Variants in ZNF268 observed in about 807,000 individuals in gnomAD.
ZNF268 encodes the protein zinc finger protein 3.
In ZNF268, 20 loss-of-function variants were observed where a neutral mutation model predicts 29.3. The observed-to-expected ratio is 0.68, with a 90% confidence interval of 0.48 to 0.99. ZNF268 has a LOEUF of 0.99. ZNF268 is among the 50% of genes least tolerant of loss of function. The pLI is 0.00. For synonymous variants in ZNF268, 429 were observed against 376.9 expected (o/e 1.14, Z -1.60); for missense variants, 1,240 against 1,121.6 (o/e 1.11, Z -1.51).
At position 133,181,965 on chromosome 12, in the gene ZNF268, C is replaced by G. The variant is rs1301029417; in HGVS notation, c.-33C>G. 1 of 1,558,034 alleles carries G rather than the reference C, an allele frequency of 6.4e-7. No homozygotes were observed. Among genetic ancestry groups the G allele is most frequent in the Admixed American group, 1.9e-5 (1 of 51,504 alleles). On this transcript the variant is annotated 5_prime_UTR_variant, in exon 2 of 6. Coordinates refer to ENST00000536435, the MANE Select transcript of ZNF268 (RefSeq NM_003415.3). ...TTCTAGCATCCCTCGCGTCCTGTCA[C>G]TTCCAGCGAGGCACACAAAACTGAC...
chr12:133,187,456 T>C (rs1334300161), intron 2 of ZNF268, among the ~76,000 whole-genome samples: 2 of 152,168 alleles, frequency 1.3e-5, no homozygotes, highest in Non-Finnish European at 2.9e-5. Flanking sequence ...TGTGGTCAGA[T>C]ATTTTGGTTA....
chr12:133,199,614 C>T (rs539758424), intron 5 of ZNF268, among the ~76,000 whole-genome samples: 173 of 151,896 alleles, frequency 1.1e-3, no homozygotes, highest in African/African-American at 4.1e-3. Context: ...AGGAATAGTA[C>T]CAGTTCCTCC....
chr12:133,187,985 C>T lies in ZNF268; in HGVS notation c.147C>T (p.Pro49=). The part of the protein sequence containing the change: ...TPGLQPLPGT[P]RQKQKSRRIE... ...GTCTGCAACCTCTCCCTGGAACACC[C>T]AGGCAGAAGCAGAAGAGTCGCAGAA... The change falls in exon 3 of 6, where the codon CCC becomes CCT. Residue 49 remains proline, a synonymous_variant. Coordinates refer to ENST00000536435, the MANE Select transcript of ZNF268 (RefSeq NM_003415.3). The T allele has an allele frequency of 6.3e-7, 1 of 1,597,686 alleles. No individual in the cohort carries two copies. Among genetic ancestry groups the T allele is most frequent in the Non-Finnish European group, 8.5e-7 (1 of 1,171,698 alleles).
At position 133,204,401 on chromosome 12, in the gene ZNF268, A is replaced by G; in HGVS notation, c.2715A>G (p.Ser905=). ...GTGGGAAAACCTTCTCTCAAAAATC[A>G]ATTCTCAGTGCACATCAGAGAACAC... ...NECGKTFSQK[S]ILSAHQRTHT... is the part of the protein sequence containing the mutation. Residue 905 remains serine (S), a synonymous_variant, in exon 6 of 6, where the codon TCA becomes TCG. Coordinates refer to ENST00000536435, the MANE Select transcript of ZNF268 (RefSeq NM_003415.3). The G allele has an allele frequency of 6.4e-7, 1 of 1,570,404 alleles. No homozygotes were observed. The highest frequency in any genetic ancestry group is 8.6e-7 in the Non-Finnish European group (1 of 1,162,760).
In ZNF268 at chr12:133,209,483, C is replaced by G. The variant is rs1279815853; in HGVS notation, c.*4953C>G. On this transcript the variant is annotated 3_prime_UTR_variant, in exon 6 of 6. Coordinates refer to ENST00000536435, the MANE Select transcript of ZNF268 (RefSeq NM_003415.3). Reference sequence around the variant, plus strand: ...AATGAAGTTGCAAGTTTTAACATGTCTACTCTTTAATTTTCAACATTGTTT... The same window carrying G: ...AATGAAGTTGCAAGTTTTAACATGTGTACTCTTTAATTTTCAACATTGTTT... 3 of 152,128 alleles carry G rather than the reference C, an allele frequency of 2.0e-5. No individual in the cohort carries two copies. Among genetic ancestry groups the G allele is most frequent in the African/African-American group, 7.2e-5 (3 of 41,428 alleles). The allele number at this position is 152,128 out of a possible 1,614,324, so 9.4% of individuals were successfully genotyped here.
In ZNF268 at chr12:133,202,789, TCTTC is replaced by T; in HGVS notation, c.1104_1107del (p.Phe369ValfsTer30). ...TATGAGTGCTGTGAATGTGGGAAAGTCTTCAGTAGGAAAGACCAGCTTGTTTCAC... is the reference window on the plus strand; with the variant it reads ...TATGAGTGCTGTGAATGTGGGAAAGTAGTAGGAAAGACCAGCTTGTTTCAC... On this transcript the variant is annotated frameshift_variant, in exon 6 of 6. Coordinates refer to ENST00000536435, the MANE Select transcript of ZNF268 (RefSeq NM_003415.3). LOFTEE classifies it low-confidence loss of function (END_TRUNC). 6.2e-7 allele frequency: 1 copy of T among 1,609,430 alleles called. No individual in the cohort carries two copies. Among genetic ancestry groups the T allele is most frequent in the Non-Finnish European group, 8.5e-7 (1 of 1,179,008 alleles).
chr12:133,212,469 A>G lies in ZNF268; in HGVS notation c.*7939A>G, dbSNP rs1259206091. 0.024 allele frequency: 212 copies of G among 8,792 alleles called. 1 individual carries two copies. Among genetic ancestry groups the G allele is most frequent in the Admixed American group, 0.061 (45 of 736 alleles). 0.5% of individuals were successfully genotyped at this position (8,792 alleles called of 1,614,324 possible). A position where few individuals can be genotyped will look rare whatever the true frequency, so the allele number is the denominator to read the frequency against. ...TTTATATATATATATATATATATAT[A>G]TATATATATATATATATATATATAT... On this transcript the variant is annotated 3_prime_UTR_variant, in exon 6 of 6. Coordinates refer to ENST00000536435, the MANE Select transcript of ZNF268 (RefSeq NM_003415.3).
intron 5 of ZNF268, among the ~76,000 whole-genome samples, chr12:133,197,033 T>C (rs1211371009): frequency 6.6e-6 from 1 of 151,712 alleles, no homozygotes; most frequent in Non-Finnish European, 1.5e-5. Context: ...CCTTTCTTTT[T>C]TTTTTTTTTA....
chr12:133,202,779 T>C lies in ZNF268; in HGVS notation c.1093T>C (p.Cys365Arg). 7.5e-6 allele frequency: 12 copies of C among 1,610,576 alleles called. No individual in the cohort carries two copies. The highest frequency in any genetic ancestry group is 1.0e-5 in the Non-Finnish European group (12 of 1,179,212). Residue 365 changes from cysteine to arginine, a missense_variant, in exon 6 of 6, where the codon TGT becomes CGT. Physicochemically the swap from Cys to Arg is radical, Grantham distance 180 (BLOSUM62 -3). This residue lies in a region of ZNF268 where 1,177 missense variants were observed against 1,039.6 expected (regional missense o/e 1.13). Transcript: ENST00000536435. ...TGENPYECCE[C>R]GKVFSRKDQL... ...TGAGAATCCCTATGAGTGCTGTGAA[T>C]GTGGGAAAGTCTTCAGTAGGAAAGA...
intron 3 of ZNF268, 104 bp from the exon 4 acceptor site, chr12:133,191,385 T>C (rs1043055780): frequency 1.7e-5 from 23 of 1,344,956 alleles, no homozygotes; most frequent in Non-Finnish European, 2.4e-5. Context: ...CAATACAATT[T>C]TTGTTCTCAC....
chr12:133,198,056 A>G (rs1236099866), intron 5 of ZNF268, among the ~76,000 whole-genome samples: 1 of 151,896 alleles, frequency 6.6e-6, no homozygotes, highest in Non-Finnish European at 1.5e-5. Context: ...CCATTTGTCA[A>G]TTTTGGCTTT....
In ZNF268 at chr12:133,203,381, C is replaced by T. The variant is rs1956806126; in HGVS notation, c.1695C>T (p.Phe565=). The T allele has an allele frequency of 6.5e-7, 1 of 1,547,968 alleles. No homozygotes were observed. The highest frequency in any genetic ancestry group is 8.7e-7 in the Non-Finnish European group (1 of 1,151,130). ...PYECHECGKA[F]SRKYQLISHQ... is the part of the protein sequence containing the mutation. ...AATGCCATGAATGTGGGAAAGCCTT[C>T]AGTCGGAAATACCAGCTTATTTCAC... Residue 565 remains phenylalanine, a synonymous_variant, in exon 6 of 6, where the codon TTC becomes TTT. Coordinates refer to ENST00000536435, the MANE Select transcript of ZNF268 (RefSeq NM_003415.3).
chr12:133,210,877 T>C lies in ZNF268; in HGVS notation c.*6347T>C, dbSNP rs1208619665. On this transcript the variant is annotated 3_prime_UTR_variant, in exon 6 of 6. Coordinates refer to ENST00000536435, the MANE Select transcript of ZNF268 (RefSeq NM_003415.3). The stretch of plus-strand genomic sequence containing the variant: ...AAGCAGGCTAGACAAGGTGTGTGCT[T>C]GCACCCCTTCCTTACTACCTAGGCA... The C allele has an allele frequency of 4.4e-6, 2 of 456,046 alleles. No individual in the cohort carries two copies. Among genetic ancestry groups the C allele is most frequent in the East Asian group, 1.4e-4 (2 of 14,384 alleles). The allele number at this position is 456,046 out of a possible 1,614,324, so 28.2% of individuals were successfully genotyped here.
In ZNF268 at chr12:133,214,009, T is replaced by C. The variant is rs1341130072; in HGVS notation, c.*9479T>C. 6.7e-6 allele frequency: 1 copy of C among 149,496 alleles called. No homozygotes were observed. Among genetic ancestry groups the C allele is most frequent in the African/African-American group, 2.5e-5 (1 of 40,768 alleles). The allele number at this position is 149,496 out of a possible 1,614,324, so 9.3% of individuals were successfully genotyped here. A position where few individuals can be genotyped will look rare whatever the true frequency, so the allele number is the denominator to read the frequency against. On this transcript the variant is annotated 3_prime_UTR_variant, in exon 6 of 6. Transcript: ENST00000536435. ...GTCTCAAAAAAAAAAAAGGTGAATATAGGAGAAAAGACACTGTAAAATAAT... is the reference window on the plus strand; with the variant it reads ...GTCTCAAAAAAAAAAAAGGTGAATACAGGAGAAAAGACACTGTAAAATAAT...
intron 2 of ZNF268, chr12:133,184,632 T>G (rs1566363084): frequency 2.5e-6 from 1 of 405,944 alleles, no homozygotes; most frequent in Non-Finnish European, 5.1e-6. Flanking sequence ...TTTGTTTATT[T>G]TTTTGAGACT....
rs1267610955 is a variant in ZNF268, at chr12:133,204,494, T to C, written c.2808T>C (p.Ile936=). The C allele has an allele frequency of 3.3e-6, 5 of 1,535,142 alleles. No individual in the cohort carries two copies. Among genetic ancestry groups the C allele is most frequent in the African/African-American group, 2.7e-5 (2 of 72,748 alleles). Residue 936 remains isoleucine (I), a synonymous_variant, in exon 6 of 6, where the codon ATT becomes ATC. Transcript: ENST00000536435. ...CCTTTTGTTGGAAGTCACAGCTCAT[T>C]ATGCATCAGAGAACTCATGTAGATG... ...GKAFCWKSQL[I]MHQRTHVDDK...
At chr12:133,183,719 A>G (rs933407109) in intron 2 of ZNF268, among the ~76,000 whole-genome samples, 8 of 152,104 alleles carry the variant, frequency 5.3e-5, no homozygotes, top group African/African-American at 1.9e-4. Context: ...TGGCTCCTCT[A>G]GGTAGAGGTT....
At position 133,213,937 on chromosome 12, in the gene ZNF268, C is replaced by G. The variant is rs1424020926; in HGVS notation, c.*9407C>G. The G allele has an allele frequency of 6.6e-6, 1 of 151,978 alleles. No individual in the cohort carries two copies. The highest frequency in any genetic ancestry group is 1.5e-5 in the Non-Finnish European group (1 of 68,016). The allele number at this position is 151,978 out of a possible 1,614,324, so 9.4% of individuals were successfully genotyped here. ...TGGCGTGAACCTGGAACCAGTGAGCCCAGATCTCACCACTGCACTCCAGCC... is the reference window on the plus strand; with the variant it reads ...TGGCGTGAACCTGGAACCAGTGAGCGCAGATCTCACCACTGCACTCCAGCC... On this transcript the variant is annotated 3_prime_UTR_variant, in exon 6 of 6. Coordinates refer to ENST00000536435, the MANE Select transcript of ZNF268 (RefSeq NM_003415.3).
In ZNF268 at chr12:133,203,235, A is replaced by G. The variant is rs1318606978; in HGVS notation, c.1549A>G (p.Ile517Val). 1.3e-6 allele frequency: 2 copies of G among 1,537,988 alleles called. No homozygotes were observed. The highest frequency in any genetic ancestry group is 2.4e-5 in the East Asian group (1 of 40,878). ...CTTCAGGAGCAAGTCATACCTTATTATACATACAAGGACTCATACAGGAGA... is the reference window on the plus strand; with the variant it reads ...CTTCAGGAGCAAGTCATACCTTATTGTACATACAAGGACTCATACAGGAGA... ...KAFRSKSYLI[I>V]HTRTHTGEKL... Residue 517 changes from isoleucine to valine, a missense_variant, in exon 6 of 6, where the codon ATA becomes GTA. Transcript: ENST00000536435.
Sources: allele counts gnomAD v4.1 joint callset (sites outside exome capture counted in the v4.1 genomes callset), GRCh38; gene constraint gnomAD v4.1.1; regional missense constraint gnomAD v4.1.1; transcripts MANE v1.5; gene names NCBI Gene and HGNC (gene_info 2026-07-23, HGNC 2026-07-21).